Variants in MDGA2 observed in about 807,000 individuals in gnomAD.
The protein encoded by MDGA2 is MAM domain-containing glycosylphosphatidylinositol anchor protein 2.
In MDGA2, 40 loss-of-function variants were observed where a neutral mutation model predicts 117.8. That is an observed-to-expected ratio of 0.34 (90% CI 0.26 to 0.44). The LOEUF (loss-of-function observed/expected upper bound fraction) is 0.44. MDGA2 is among the 20% of genes least tolerant of loss of function. The pLI, the probability that MDGA2 is intolerant of heterozygous loss-of-function variation, is 1.00. For synonymous variants in MDGA2, 452 were observed against 439.0 expected (o/e 1.03, Z -0.37); for missense variants, 1,123 against 1,250.6 (o/e 0.90, Z 1.54).
chr14:47,042,713 G>C (rs541279220), intron 7 of MDGA2, among the ~76,000 whole-genome samples: 2 of 152,212 alleles, frequency 1.3e-5, no homozygotes, highest in Admixed American at 6.6e-5. Flanking sequence ...ACTAATGATA[G>C]CTCACAACAG....
chr14:47,313,996 C>T lies in MDGA2; in HGVS notation c.281-12446G>A, dbSNP rs1889723630. 2.6e-5 allele frequency among the ~76,000 whole-genome samples: 4 copies of T among 152,194 alleles called. No individual in the cohort carries two copies. The South Asian group carries it at 8.3e-4, about 32-fold the overall frequency. ...TATGGAAAAATATACACTTGTAACTCCAAATATTACATTGGCATGGAAAAA... is the reference window on the plus strand; with the variant it reads ...TATGGAAAAATATACACTTGTAACTTCAAATATTACATTGGCATGGAAAAA... On this transcript the variant is annotated intron_variant, in intron 1 of 16. Coordinates refer to ENST00000399232, the MANE Select transcript of MDGA2 (RefSeq NM_001113498.3).
chr14:47,615,938 A>C (rs1896940842), intron 1 of MDGA2, among the ~76,000 whole-genome samples: 1 of 152,126 alleles, frequency 6.6e-6, no homozygotes, highest in Non-Finnish European at 1.5e-5. Flanking sequence ...CTTTGGCACT[A>C]GCATGGGTGG....
chr14:46,878,094 A>G (rs1448088466), intron 11 of MDGA2, among the ~76,000 whole-genome samples: 1 of 152,012 alleles, frequency 6.6e-6, no homozygotes, highest in Non-Finnish European at 1.5e-5. Context: ...GTGCATGCAC[A>G]CAGAATTTTA....
chr14:47,484,954 C>A (rs906936769), intron 1 of MDGA2, among the ~76,000 whole-genome samples: 2 of 152,016 alleles, frequency 1.3e-5, no homozygotes, highest in Non-Finnish European at 2.9e-5. Flanking sequence ...ATTGCTCGGC[C>A]TCAGGTATGT....
chr14:47,629,911 C>G (rs182225613), intron 1 of MDGA2, among the ~76,000 whole-genome samples: 69 of 152,232 alleles, frequency 4.5e-4, no homozygotes, highest in African/African-American at 1.6e-3. Context: ...TTCCGGGGGT[C>G]TGTGGTGAGC....
intron 1 of MDGA2, among the ~76,000 whole-genome samples, chr14:47,641,945 A>C (rs896757954): frequency 2.6e-5 from 4 of 152,106 alleles, no homozygotes; most frequent in Non-Finnish European, 1.5e-5. Flanking sequence ...GAAGAGAATC[A>C]GTACAATCTG....
chr14:47,056,286 C>T (rs776751389), intron 7 of MDGA2, among the ~76,000 whole-genome samples: 1 of 152,102 alleles, frequency 6.6e-6, no homozygotes. Context: ...GTGTTATCAA[C>T]AACTTTCATT....
At chr14:47,378,707 T>C (rs906030779) in intron 1 of MDGA2, among the ~76,000 whole-genome samples, 1 of 152,096 alleles carries the variant, frequency 6.6e-6, no homozygotes, top group Non-Finnish European at 1.5e-5. Flanking sequence ...CCAAGAAATA[T>C]GGGACTATGT....
intron 2 of MDGA2, among the ~76,000 whole-genome samples, chr14:47,255,195 T>C (rs1462380711): frequency 6.6e-6 from 1 of 152,114 alleles, no homozygotes; most frequent in East Asian, 1.9e-4. Flanking sequence ...TCTAAGACAT[T>C]AAAGAGATTG....
intron 1 of MDGA2, among the ~76,000 whole-genome samples, chr14:47,426,921 GT>G (rs1239766857): frequency 1.3e-5 from 2 of 151,874 alleles, no homozygotes; most frequent in Non-Finnish European, 1.5e-5. Context: ...CATATTGTGA[GT>G]TGTGAGTTAC....
intron 2 of MDGA2, among the ~76,000 whole-genome samples, chr14:47,227,740 C>T (rs1886557837): frequency 6.6e-6 from 1 of 152,068 alleles, no homozygotes; most frequent in South Asian, 2.1e-4. Flanking sequence ...GACAAAATCT[C>T]ACTCCACAAT....
intron 1 of MDGA2, among the ~76,000 whole-genome samples, chr14:47,562,337 G>T (rs1258985673): frequency 6.6e-6 from 1 of 152,128 alleles, no homozygotes; most frequent in Non-Finnish European, 1.5e-5. Context: ...GGCAGAATTT[G>T]GTTGTAAATC....
At chr14:47,577,172 C>T (rs1273976407) in intron 1 of MDGA2, among the ~76,000 whole-genome samples, 2 of 152,082 alleles carry the variant, frequency 1.3e-5, no homozygotes, top group African/African-American at 4.8e-5. Context: ...AGCTGCTTGA[C>T]AATGGGGAAA....
At chr14:47,024,459 A>G (rs1888402436) in intron 8 of MDGA2, among the ~76,000 whole-genome samples, 1 of 152,174 alleles carries the variant, frequency 6.6e-6, no homozygotes, top group Non-Finnish European at 1.5e-5. Flanking sequence ...TTCAAGGCAA[A>G]TAACTTATAA....
At chr14:46,950,264 T>TCC in intron 9 of MDGA2, among the ~76,000 whole-genome samples, 1 of 151,902 alleles carries the variant, frequency 6.6e-6, no homozygotes, top group African/African-American at 2.4e-5. Context: ...AGATTGATTA[T>TCC]TCAAATATTC....
chr14:46,941,019 C>T (rs916243369), intron 9 of MDGA2, among the ~76,000 whole-genome samples: 1 of 152,154 alleles, frequency 6.6e-6, no homozygotes, highest in East Asian at 1.9e-4. Context: ...GTTATTGAAC[C>T]TGCATCACTG....
intron 1 of MDGA2, among the ~76,000 whole-genome samples, chr14:47,673,088 G>A (rs1272957621): frequency 1.3e-5 from 2 of 152,154 alleles, no homozygotes; most frequent in Non-Finnish European, 2.9e-5. Context: ...CAAGAAGGGA[G>A]CTAGAAACAC....
At chr14:46,947,462 G>T (rs993478927) in intron 9 of MDGA2, among the ~76,000 whole-genome samples, 2 of 151,960 alleles carry the variant, frequency 1.3e-5, no homozygotes, top group African/African-American at 4.8e-5. Flanking sequence ...CAGAAGTCTA[G>T]CCAATATGGT....
chr14:47,643,268 T>A (rs1364368359), intron 1 of MDGA2, among the ~76,000 whole-genome samples: 1 of 152,142 alleles, frequency 6.6e-6, no homozygotes, highest in Non-Finnish European at 1.5e-5. Flanking sequence ...ATACCATTTT[T>A]AATAAAATGT....
Sources: gnomAD v4.1 joint callset for allele counts (sites outside exome capture counted in the v4.1 genomes callset) on GRCh38, gnomAD v4.1.1 for gene constraint, MANE v1.5 for transcripts, NCBI Gene and HGNC (gene_info 2026-07-23, HGNC 2026-07-21) for gene names.